Variants in ST3GAL3 observed in about 807,000 individuals in gnomAD.
The protein encoded by ST3GAL3 is CMP-N-acetylneuraminate-beta-1,4-galactoside alpha-2,3-sialyltransferase.
A neutral mutation model predicts 50.1 loss-of-function variants in ST3GAL3; 21 were observed. That is an observed-to-expected ratio of 0.42 (90% confidence interval 0.30 to 0.60). ST3GAL3 has a LOEUF of 0.60. Among genes scored for constraint, ST3GAL3 ranks in the 20% least tolerant of loss-of-function variants. The pLI, the probability that ST3GAL3 is intolerant of heterozygous loss-of-function variation, is 0.19. For missense variants in ST3GAL3, 353 were observed against 489.4 expected (o/e 0.72, Z 2.63); for synonymous variants, 183 against 190.0 (o/e 0.96, Z 0.30).
chr1:43,880,459 A>G (rs2074914126), intron 5 of ST3GAL3, among the ~76,000 whole-genome samples: 1 of 150,210 alleles, frequency 6.7e-6, no homozygotes, highest in African/African-American at 2.5e-5. Flanking sequence ...CTCCCCTCAT[A>G]CTCTGGATCT....
intron 9 of ST3GAL3, among the ~76,000 whole-genome samples, chr1:43,904,700 C>T (rs1474738941): frequency 1.4e-5 from 2 of 146,030 alleles, no homozygotes; most frequent in African/African-American, 5.1e-5. Context: ...CACTCTTCCT[C>T]CCGCTCCCTG....
chr1:43,904,970 G>C (rs1194080451), intron 9 of ST3GAL3, among the ~76,000 whole-genome samples: 90 of 14,278 alleles, frequency 6.3e-3, no homozygotes, highest in Admixed American at 0.01. Flanking sequence ...TCCCCTTCCT[G>C]CTCCTCTTCC....
chr1:43,736,454 G>A (rs745689697), intron 2 of ST3GAL3, 74 bp downstream of exon 2: 190 of 1,613,526 alleles, frequency 1.2e-4, no homozygotes, highest in East Asian at 2.2e-4. Flanking sequence ...GTGTGGCTGC[G>A]TCTCATATTC....
chr1:43,929,957 A>T, intron 11 of ST3GAL3, 175 bp from the exon 12 acceptor site: 1 of 755,406 alleles, frequency 1.3e-6, no homozygotes, highest in South Asian at 1.4e-5. Context: ...GAGCTGTGGC[A>T]CTCCTAGAGC....
intron 5 of ST3GAL3, chr1:43,842,638 C>T (rs956375527): frequency 1.3e-5 from 2 of 151,906 alleles, no homozygotes; most frequent in African/African-American, 4.8e-5. Flanking sequence ...AACCCCGTCT[C>T]TACTAAAAAT....
intron 5 of ST3GAL3, among the ~76,000 whole-genome samples, chr1:43,893,287 G>A: frequency 6.6e-6 from 1 of 152,224 alleles, no homozygotes; most frequent in East Asian, 1.9e-4. Flanking sequence ...GGGTGAGTTA[G>A]AAATAACAAC....
At chr1:43,775,504 A>T (rs1696866430) in intron 2 of ST3GAL3, among the ~76,000 whole-genome samples, 1 of 152,156 alleles carries the variant, frequency 6.6e-6, no homozygotes, top group African/African-American at 2.4e-5. Flanking sequence ...AAGTGCTGGG[A>T]TTACAGGTGT....
At chr1:43,872,988 T>C (rs894289292) in intron 5 of ST3GAL3, among the ~76,000 whole-genome samples, 19 of 152,140 alleles carry the variant, frequency 1.2e-4, no homozygotes, top group Admixed American at 9.2e-4. Context: ...GCAGGAAAGA[T>C]GCCTGTGTTA....
intron 1 of ST3GAL3, among the ~76,000 whole-genome samples, chr1:43,725,522 G>A (rs930986230): frequency 6.6e-6 from 1 of 152,146 alleles, no homozygotes; most frequent in African/African-American, 2.4e-5. Flanking sequence ...TGACCATACA[G>A]GGAGGCCAAG....
chr1:43,874,439 T>G (rs1421166655), intron 5 of ST3GAL3, among the ~76,000 whole-genome samples: 1 of 152,012 alleles, frequency 6.6e-6, no homozygotes, highest in Non-Finnish European at 1.5e-5. Context: ...ACTATATGGG[T>G]GATAGTTGTA....
At chr1:43,732,983 T>C (rs1460477874) in intron 1 of ST3GAL3, among the ~76,000 whole-genome samples, 5 of 145,358 alleles carry the variant, frequency 3.4e-5, no homozygotes, top group African/African-American at 1.3e-4. Context: ...AAAAATACTT[T>C]TTTTTTTTTT....
chr1:43,880,613 A>T (rs1414320630), intron 5 of ST3GAL3, among the ~76,000 whole-genome samples: 3 of 151,510 alleles, frequency 2.0e-5, no homozygotes, highest in Non-Finnish European at 4.4e-5. Flanking sequence ...CCTCCATTCC[A>T]CTTCTGTCCT....
intron 2 of ST3GAL3, among the ~76,000 whole-genome samples, chr1:43,760,369 G>A (rs1056814920): frequency 6.6e-6 from 1 of 152,194 alleles, no homozygotes; most frequent in African/African-American, 2.4e-5. Flanking sequence ...ATTTTATAAC[G>A]AATGTGAAAT....
At chr1:43,755,359 T>C (rs1687659758) in intron 2 of ST3GAL3, among the ~76,000 whole-genome samples, 1 of 152,258 alleles carries the variant, frequency 6.6e-6, no homozygotes, top group Non-Finnish European at 1.5e-5. Context: ...ATGTCACGTG[T>C]TGGCTGGAAT....
chr1:43,909,077 A>G (rs1320835058), intron 9 of ST3GAL3, among the ~76,000 whole-genome samples: 78 of 152,232 alleles, frequency 5.1e-4, no homozygotes, highest in Admixed American at 5.1e-3. Flanking sequence ...GGAGGGCAGC[A>G]GCTGTCTTGT....
intron 9 of ST3GAL3, chr1:43,913,993 C>T (rs1163478733): frequency 1.3e-5 from 2 of 152,266 alleles, no homozygotes; most frequent in African/African-American, 4.8e-5. Flanking sequence ...TTTCACCTCA[C>T]ACCAGTAATC....
chr1:43,713,407 A>T (rs948638305), intron 1 of ST3GAL3, among the ~76,000 whole-genome samples: 1 of 152,168 alleles, frequency 6.6e-6, no homozygotes, highest in Non-Finnish European at 1.5e-5. Context: ...TATACAAGTA[A>T]TAGTTTAATA....
At chr1:43,805,334 G>A (rs1016829482) in intron 3 of ST3GAL3, among the ~76,000 whole-genome samples, 4 of 152,168 alleles carry the variant, frequency 2.6e-5, no homozygotes, top group Admixed American at 2.6e-4. Flanking sequence ...CCTACACTTT[G>A]GACATAAATC....
chr1:43,817,727 TCCTCCC>T (rs2061539580), intron 4 of ST3GAL3, among the ~76,000 whole-genome samples: 1 of 100,724 alleles, frequency 9.9e-6, no homozygotes, highest in Non-Finnish European at 2.2e-5. Flanking sequence ...CTCCTTCTCC[TCCTCCC>T]CCTCCTCCTC....
Sources: gnomAD v4.1 joint callset for allele counts (sites outside exome capture counted in the v4.1 genomes callset) on GRCh38, gnomAD v4.1.1 for gene constraint, MANE v1.5 for transcripts, NCBI Gene and HGNC (gene_info 2026-07-23, HGNC 2026-07-21) for gene names.